Variants in ERBB4 observed in about 807,000 individuals in gnomAD.
The protein encoded by ERBB4 is erb-b2 receptor tyrosine kinase 4.
In ERBB4, 42 loss-of-function variants were observed where a neutral mutation model predicts 158.0. The ratio of observed to expected loss-of-function variants is 0.27; its 90% CI spans 0.21 to 0.34. The LOEUF (loss-of-function observed/expected upper bound fraction) is 0.34, where lower values mean the gene tolerates loss of function less well. Among genes scored for constraint, ERBB4 ranks in the 10% least tolerant of loss-of-function variants. The pLI is 1.00. For missense variants in ERBB4, 1,333 were observed against 1,624.1 expected (o/e 0.82, Z 3.08); for synonymous variants, 583 against 558.7 (o/e 1.04, Z -0.61).
intron 1 of ERBB4, among the ~76,000 whole-genome samples, chr2:212,194,923 A>C (rs1003629471): frequency 6.6e-6 from 1 of 151,962 alleles, no homozygotes; most frequent in African/African-American, 2.4e-5. Context: ...AATAAACAAC[A>C]ATCATTTGTT....
intron 17 of ERBB4, among the ~76,000 whole-genome samples, chr2:211,624,958 T>C (rs1290332684): frequency 6.6e-6 from 1 of 151,174 alleles, no homozygotes; most frequent in Non-Finnish European, 1.5e-5. Context: ...GTGGCCAAAG[T>C]AGTAAAATTA....
At chr2:212,179,140 T>C (rs1433359449) in intron 1 of ERBB4, among the ~76,000 whole-genome samples, 2 of 151,688 alleles carry the variant, frequency 1.3e-5, no homozygotes, top group Non-Finnish European at 3.0e-5. Context: ...AAAGCTCCTA[T>C]GTCTTTTGAA....
chr2:212,247,762 G>C (rs2084365379), intron 1 of ERBB4, among the ~76,000 whole-genome samples: 1 of 152,138 alleles, frequency 6.6e-6, no homozygotes, highest in Non-Finnish European at 1.5e-5. Context: ...TCAGGAGTTT[G>C]AGACCTGCCT....
intron 7 of ERBB4, among the ~76,000 whole-genome samples, chr2:211,713,853 A>G (rs2073801943): frequency 6.6e-6 from 1 of 152,172 alleles, no homozygotes; most frequent in South Asian, 2.1e-4. Flanking sequence ...AACAACTAGT[A>G]CTTGCTTGGT....
At chr2:211,712,665 T>A (rs1456073246) in intron 8 of ERBB4, among the ~76,000 whole-genome samples, 1 of 152,124 alleles carries the variant, frequency 6.6e-6, no homozygotes, top group Non-Finnish European at 1.5e-5. Flanking sequence ...AGAGTTCTAA[T>A]GATGTGAATT....
At chr2:211,910,208 T>C (rs1204026095) in intron 3 of ERBB4, among the ~76,000 whole-genome samples, 1 of 151,600 alleles carries the variant, frequency 6.6e-6, no homozygotes, top group Admixed American at 6.6e-5. Flanking sequence ...TAAACTACCA[T>C]GCCTGGCCAA....
chr2:212,289,018 C>A (rs1393622062), intron 1 of ERBB4, among the ~76,000 whole-genome samples: 1 of 151,920 alleles, frequency 6.6e-6, no homozygotes, highest in African/African-American at 2.4e-5. Flanking sequence ...CGTGGGCAAC[C>A]CTAGGAGACT....
At chr2:211,455,279 G>T (rs1021063101) in intron 20 of ERBB4, among the ~76,000 whole-genome samples, 1 of 152,200 alleles carries the variant, frequency 6.6e-6, no homozygotes, top group Admixed American at 6.5e-5. Flanking sequence ...TTATAATTAT[G>T]ATTTCCTACT....
chr2:212,523,082 T>C (rs952587975), intron 1 of ERBB4, among the ~76,000 whole-genome samples: 1 of 151,996 alleles, frequency 6.6e-6, no homozygotes, highest in Non-Finnish European at 1.5e-5. Flanking sequence ...AGGTTTATAG[T>C]GTAGATCCAA....
chr2:212,035,566 C>T (rs2076994556), intron 2 of ERBB4, among the ~76,000 whole-genome samples: 1 of 152,206 alleles, frequency 6.6e-6, no homozygotes, highest in Admixed American at 6.5e-5. Context: ...ACATACATTT[C>T]ACTCTTCACC....
At chr2:211,825,142 C>T (rs75929620) in intron 3 of ERBB4, among the ~76,000 whole-genome samples, 6,677 of 151,788 alleles carry the variant, frequency 0.044, 249 homozygotes, top group Non-Finnish European at 0.065. Context: ...TCTTTTATAT[C>T]AAAAATCACT....
chr2:211,899,399 G>A lies in ERBB4; in HGVS notation c.421+48031C>T, dbSNP rs141037101. Among the ~76,000 whole-genome samples the A allele has an allele frequency of 1.8e-3, 276 of 151,850 alleles. 4 individuals carry two copies. In the East Asian group the frequency reaches 0.034, roughly 19 times the overall value. On this transcript the variant is annotated intron_variant, in intron 3 of 27. Coordinates refer to ENST00000342788, the MANE Select transcript of ERBB4 (RefSeq NM_005235.3). ...AGTTCTAAAATCATATTTTAAATTC[G>A]GGCAATTCATCTACCAGTAACATTT...
intron 1 of ERBB4, among the ~76,000 whole-genome samples, chr2:212,126,230 G>A (rs536751249): frequency 2.0e-5 from 3 of 152,040 alleles, no homozygotes; most frequent in Non-Finnish European, 2.9e-5. Context: ...TTGGGAGGCC[G>A]ACGCAGTTGG....
intron 1 of ERBB4, among the ~76,000 whole-genome samples, chr2:212,266,540 T>G (rs1332314189): frequency 1.3e-5 from 2 of 151,934 alleles, no homozygotes; most frequent in Non-Finnish European, 2.9e-5. Context: ...ACTACTCATC[T>G]TTCACTACTG....
At chr2:212,378,594 T>C (rs1240706014) in intron 1 of ERBB4, among the ~76,000 whole-genome samples, 2 of 151,202 alleles carry the variant, frequency 1.3e-5, no homozygotes, top group Non-Finnish European at 3.0e-5. Flanking sequence ...AAAGCGCTCA[T>C]TTTTTTTTCC....
rs150911800 is a variant in ERBB4, at chr2:212,372,593, C to T, written c.82+165856G>A. On this transcript the variant is annotated intron_variant, in intron 1 of 27. Transcript: ENST00000342788. ...TAAAACCCCGTATCTAGTAAAAATA[C>T]GAAAAATTAGCTGGGTGTGGTGGTG... is the stretch of plus-strand genomic sequence containing the variant. Among the ~76,000 whole-genome samples, 484 of 151,942 alleles carry T rather than the reference C, an allele frequency of 3.2e-3. 3 individuals carry two copies. The highest frequency in any genetic ancestry group is 0.01 in the African/African-American group (429 of 41,468).
intron 1 of ERBB4, among the ~76,000 whole-genome samples, chr2:212,503,750 C>T (rs926397168): frequency 6.6e-6 from 1 of 152,102 alleles, no homozygotes; most frequent in African/African-American, 2.4e-5. Context: ...CATTACGTGA[C>T]CTTTAGAGGA....
At position 211,390,654 on chromosome 2, in the gene ERBB4, C is replaced by T. The variant is rs146159539; in HGVS notation, c.3136-2662G>A. Among the ~76,000 whole-genome samples, 530 of 152,288 alleles carry T rather than the reference C, an allele frequency of 3.5e-3. 1 individual carries two copies. Among genetic ancestry groups the T allele is most frequent in the Middle Eastern group, 6.8e-3 (2 of 294 alleles). ...AGGCAACGGATTAAAACAACTGGGA[C>T]TCTTGCGGTTAGTCTGTTCCAAGAC... On this transcript the variant is annotated intron_variant, in intron 25 of 27. Transcript: ENST00000342788.
chr2:211,917,204 T>C (rs2079720168), intron 3 of ERBB4, among the ~76,000 whole-genome samples: 1 of 152,194 alleles, frequency 6.6e-6, no homozygotes, highest in African/African-American at 2.4e-5. Flanking sequence ...ACGTGTTCTA[T>C]TTTCATCCTC....
Sources: allele counts gnomAD v4.1 joint callset (sites outside exome capture counted in the v4.1 genomes callset), GRCh38; gene constraint gnomAD v4.1.1; transcripts MANE v1.5; gene names NCBI Gene and HGNC (gene_info 2026-07-23, HGNC 2026-07-21).